CREBRF: variants seen among roughly 807,000 people sequenced by gnomAD.
CREBRF encodes the protein CREB3 regulatory factor.
In CREBRF, 5 loss-of-function variants were observed where a neutral mutation model predicts 66.1. The observed-to-expected ratio is 0.08, with a 90% CI of 0.04 to 0.16. The LOEUF (loss-of-function observed/expected upper bound fraction) is 0.16, where lower values mean the gene tolerates loss of function less well. Among genes scored for constraint, CREBRF ranks in the 10% least tolerant of loss-of-function variants. The probability of loss-of-function intolerance (pLI) is 1.00; values close to 1 mark genes in which losing one functional copy is unlikely to be tolerated. For missense variants in CREBRF, 531 were observed against 744.9 expected (o/e 0.71, Z 3.34); for synonymous variants, 229 against 264.4 (o/e 0.87, Z 1.30).
At chr5:173,110,232 C>T (rs1758840948) in intron 5 of CREBRF, 2 of 434,348 alleles carry the variant, frequency 4.6e-6, no homozygotes, top group Non-Finnish European at 8.6e-6. Context: ...GTATGCCATG[C>T]AAATAATGAA....
At chr5:173,062,594 C>T (rs1757306785) in intron 1 of CREBRF, among the ~76,000 whole-genome samples, 1 of 151,016 alleles carries the variant, frequency 6.6e-6, no homozygotes, top group African/African-American at 2.4e-5. Context: ...TTGAATATTC[C>T]TTGCAGGTAT....
chr5:173,133,085 C>T (rs1035190932), intron 8 of CREBRF, among the ~76,000 whole-genome samples: 1 of 152,164 alleles, frequency 6.6e-6, no homozygotes, highest in Admixed American at 6.5e-5. Flanking sequence ...TATGCTGCTC[C>T]CACCTTTCTC....
intron 7 of CREBRF, among the ~76,000 whole-genome samples, chr5:173,112,656 T>C (rs1352032504): frequency 6.6e-6 from 1 of 152,226 alleles, no homozygotes; most frequent in Non-Finnish European, 1.5e-5. Context: ...TATTTTTTTC[T>C]ATAAAAGATG....
chr5:173,062,747 CTT>C (rs35042056), intron 1 of CREBRF, among the ~76,000 whole-genome samples: 20 of 118,708 alleles, frequency 1.7e-4, no homozygotes, highest in African/African-American at 4.8e-4. Flanking sequence ...TAAAATCATT[CTT>C]TTTTTTTTTT....
intron 7 of CREBRF, among the ~76,000 whole-genome samples, chr5:173,112,687 T>C (rs566477188): frequency 6.6e-6 from 1 of 152,346 alleles, no homozygotes; most frequent in South Asian, 2.1e-4. Flanking sequence ...TACAAGTAAA[T>C]TAAGAATAGG....
intron 1 of CREBRF, among the ~76,000 whole-genome samples, chr5:173,070,655 T>G (rs1757571644): frequency 6.6e-6 from 1 of 152,092 alleles, no homozygotes; most frequent in Non-Finnish European, 1.5e-5. Flanking sequence ...GGACTAAAAT[T>G]TAAATATCAC....
intron 2 of CREBRF, chr5:173,085,932 T>G: frequency 8.0e-7 from 1 of 1,252,342 alleles, no homozygotes; most frequent in Non-Finnish European, 1.2e-6. Flanking sequence ...CACCCACTTT[T>G]TTTCACATTT....
intron 1 of CREBRF, among the ~76,000 whole-genome samples, chr5:173,074,649 GTC>G (rs1359740225): frequency 1.3e-5 from 2 of 150,788 alleles, no homozygotes; most frequent in Admixed American, 6.6e-5. Context: ...TTGAGACAGA[GTC>G]TCACTCTGTT....
At chr5:173,073,033 G>T (rs570011385) in intron 1 of CREBRF, among the ~76,000 whole-genome samples, 10 of 152,216 alleles carry the variant, frequency 6.6e-5, no homozygotes, top group Non-Finnish European at 1.0e-4. Context: ...TGTTTGGATG[G>T]GGAGATGGCA....
rs191832232 is a variant in CREBRF, at chr5:173,104,849, A to G, written c.1223-3775A>G. On this transcript the variant is annotated intron_variant, in intron 4 of 8. Transcript: ENST00000296953. ...TGATGGCTTTTAAATACTTCTGGGA[A>G]AAAGGCTGGATGCCTATAGGTAATA... Among the ~76,000 whole-genome samples the G allele has an allele frequency of 7.3e-4, 111 of 152,324 alleles. 1 individual carries two copies. The highest frequency in any genetic ancestry group is 2.6e-3 in the African/African-American group (110 of 41,584).
rs79255537 is a variant in CREBRF, at chr5:173,062,613, A to G, written c.-192+6134A>G. Among the ~76,000 whole-genome samples the G allele has an allele frequency of 2.0e-3, 299 of 152,258 alleles. 9 individuals are homozygous for G. In the East Asian group the frequency reaches 0.047, roughly 24 times the overall value. ...ATATTCCTTGCAGGTATTAAAAAAA[A>G]AAAGTTGTGCTTTGTTCTTTGGATT... On this transcript the variant is annotated intron_variant, in intron 1 of 8. Transcript: ENST00000296953.
chr5:173,110,012 AAAGAAG>A (rs1758836889), intron 5 of CREBRF: 1 of 196,630 alleles, frequency 5.1e-6, no homozygotes, highest in African/African-American at 2.4e-5. Flanking sequence ...CAAAGCAACA[AAAGAAG>A]AGCTTTTAAA....
intron 8 of CREBRF, among the ~76,000 whole-genome samples, chr5:173,131,124 C>T (rs951399195): frequency 2.6e-5 from 4 of 152,216 alleles, no homozygotes; most frequent in African/African-American, 4.8e-5. Flanking sequence ...GCATGAGCCA[C>T]CCCACCCAGC....
At chr5:173,133,582 T>C (rs199967976) in intron 8 of CREBRF, 48 bp from the exon 9 acceptor site, 4 of 1,107,586 alleles carry the variant, frequency 3.6e-6, no homozygotes, top group Admixed American at 3.7e-5. Flanking sequence ...CTTCCCTTCA[T>C]GGCCTTCCAT....
chr5:173,091,582 T>C, intron 4 of CREBRF, 181 bp downstream of exon 4: 1 of 1,391,242 alleles, frequency 7.2e-7, no homozygotes, highest in Non-Finnish European at 9.3e-7. Flanking sequence ...AATGATCACT[T>C]TTGCTCACAT....
At chr5:173,070,069 CTT>C (rs1757554079) in intron 1 of CREBRF, among the ~76,000 whole-genome samples, 1 of 151,696 alleles carries the variant, frequency 6.6e-6, no homozygotes, top group South Asian at 2.1e-4. Context: ...TAATTTTTGT[CTT>C]TTCAGTAGAG....
At chr5:173,071,284 T>C (rs1158390891) in intron 1 of CREBRF, among the ~76,000 whole-genome samples, 1 of 152,176 alleles carries the variant, frequency 6.6e-6, no homozygotes, top group African/African-American at 2.4e-5. Flanking sequence ...TGATCTCGCA[T>C]CACTGCAACC....
At position 173,137,848 on chromosome 5, in the gene CREBRF, G is replaced by A. The variant is rs1228397138; in HGVS notation, c.*4103G>A. 1.3e-5 allele frequency: 2 copies of A among 152,192 alleles called. No homozygotes were observed. The highest frequency in any genetic ancestry group is 4.8e-5 in the African/African-American group (2 of 41,550). 9.4% of individuals were successfully genotyped at this position (152,192 alleles called of 1,614,324 possible). On this transcript the variant is annotated 3_prime_UTR_variant, in exon 9 of 9. Coordinates refer to ENST00000296953, the MANE Select transcript of CREBRF (RefSeq NM_153607.3). ...TTAATGTTATAAGAAATGAATTCAAGTTGCCTTCAGCAAGAATTAACAAAA... is the reference window on the plus strand; with the variant it reads ...TTAATGTTATAAGAAATGAATTCAAATTGCCTTCAGCAAGAATTAACAAAA...
intron 8 of CREBRF, among the ~76,000 whole-genome samples, chr5:173,126,998 A>T (rs1237119007): frequency 6.6e-6 from 1 of 152,018 alleles, no homozygotes; most frequent in Non-Finnish European, 1.5e-5. Context: ...ACCAGCCTGA[A>T]CCTGGAAGGT....
Sources: allele counts gnomAD v4.1 joint callset (sites outside exome capture counted in the v4.1 genomes callset), GRCh38; gene constraint gnomAD v4.1.1; transcripts MANE v1.5; gene names NCBI Gene and HGNC (gene_info 2026-07-23, HGNC 2026-07-21).